Variants in KCNH7 observed in about 807,000 individuals in gnomAD.
KCNH7 encodes potassium voltage-gated channel subfamily H member 7, also known as voltage-gated inwardly rectifying potassium channel KCNH7.
In KCNH7, 49 loss-of-function variants were observed where a neutral mutation model predicts 120.8. The ratio of observed to expected loss-of-function variants is 0.41; its 90% CI spans 0.32 to 0.51. The LOEUF (loss-of-function observed/expected upper bound fraction) is 0.51. KCNH7 is among the 20% of genes least tolerant of loss of function. The pLI is 0.38. For synonymous variants in KCNH7, 547 were observed against 516.1 expected (o/e 1.06, Z -0.81); for missense variants, 1,097 against 1,446.6 (o/e 0.76, Z 3.92).
In KCNH7 at chr2:162,536,344, T is replaced by C. The variant is rs146671979; in HGVS notation, c.463+581A>G. ...CCTTTGTGCTTAAATATATGGACCT[T>C]ACTCATAGAATAAATATAAACTAAA... On this transcript the variant is annotated intron_variant, in intron 3 of 15. Coordinates refer to ENST00000332142, the MANE Select transcript of KCNH7 (RefSeq NM_033272.4). Among the ~76,000 whole-genome samples, 851 of 152,054 alleles carry C rather than the reference T, an allele frequency of 5.6e-3. 5 individuals carry two copies. Among genetic ancestry groups the C allele is most frequent in the African/African-American group, 0.017 (725 of 41,538 alleles).
chr2:162,698,723 T>C (rs1262252364), intron 2 of KCNH7, among the ~76,000 whole-genome samples: 1 of 152,116 alleles, frequency 6.6e-6, no homozygotes, highest in East Asian at 1.9e-4. Flanking sequence ...TTTCTTCATC[T>C]GTAAAATGGA....
At chr2:162,745,963 A>G (rs1270528082) in intron 2 of KCNH7, among the ~76,000 whole-genome samples, 1 of 151,980 alleles carries the variant, frequency 6.6e-6, no homozygotes, top group Non-Finnish European at 1.5e-5. Context: ...TAACATATTG[A>G]TACTGAAACT....
At chr2:162,429,175 T>C (rs1687973882) in intron 8 of KCNH7, among the ~76,000 whole-genome samples, 1 of 151,802 alleles carries the variant, frequency 6.6e-6, no homozygotes, top group Non-Finnish European at 1.5e-5. Flanking sequence ...TTGGTCAACA[T>C]CTGCTTTAAA....
intron 2 of KCNH7, among the ~76,000 whole-genome samples, chr2:162,732,131 ACTGG>A (rs1421753213): frequency 8.5e-5 from 13 of 152,160 alleles, no homozygotes; most frequent in Middle Eastern, 3.4e-3. Context: ...AGCAAGATGC[ACTGG>A]CAGTGGGCAA....
intron 2 of KCNH7, among the ~76,000 whole-genome samples, chr2:162,831,449 G>C (rs1390308266): frequency 6.6e-6 from 1 of 152,114 alleles, no homozygotes; most frequent in African/African-American, 2.4e-5. Context: ...AAGATTGAAA[G>C]GATTTGGTGA....
At chr2:162,425,601 A>G (rs142061164) in intron 8 of KCNH7, among the ~76,000 whole-genome samples, 1 of 152,282 alleles carries the variant, frequency 6.6e-6, no homozygotes, top group East Asian at 1.9e-4. Context: ...GTGTGATGCT[A>G]TGTTTCCAAA....
chr2:162,372,217 T>C, intron 15 of KCNH7, 122 bp from the exon 16 acceptor site: 1 of 774,456 alleles, frequency 1.3e-6, no homozygotes, highest in Non-Finnish European at 2.0e-6. Flanking sequence ...TTAGTGATAT[T>C]AGCCAACATT....
At position 162,645,025 on chromosome 2, in the gene KCNH7, T is replaced by G. The variant is rs531266076; in HGVS notation, c.308-107945A>C. The stretch of plus-strand genomic sequence containing the variant: ...CCTACTTATATTTAACTAGTGTTTC[T>G]CTGCAATAAGTACAACTTTTCTGCT... On this transcript the variant is annotated intron_variant, in intron 2 of 15. Transcript: ENST00000332142. 1.4e-4 allele frequency among the ~76,000 whole-genome samples: 21 copies of G among 152,338 alleles called. No individual in the cohort carries two copies. In the East Asian group the frequency reaches 3.7e-3, roughly 27 times the overall value.
intron 2 of KCNH7, among the ~76,000 whole-genome samples, chr2:162,549,577 T>C (rs923539759): frequency 1.3e-5 from 2 of 152,210 alleles, no homozygotes; most frequent in African/African-American, 4.8e-5. Flanking sequence ...GACTTTTTGA[T>C]GTCAGTGGAG....
chr2:162,771,061 T>C (rs1400121672), intron 2 of KCNH7, among the ~76,000 whole-genome samples: 1 of 152,170 alleles, frequency 6.6e-6, no homozygotes, highest in Non-Finnish European at 1.5e-5. Flanking sequence ...TTCATTCTCA[T>C]TCACCTCTGG....
chr2:162,707,651 A>G (rs547405657), intron 2 of KCNH7, among the ~76,000 whole-genome samples: 1 of 152,246 alleles, frequency 6.6e-6, no homozygotes, highest in Admixed American at 6.5e-5. Flanking sequence ...TCAAATAAGG[A>G]TGTAGGAAAT....
chr2:162,640,433 T>C (rs6717789), intron 2 of KCNH7, among the ~76,000 whole-genome samples: 19,312 of 151,846 alleles, frequency 0.13, 2,429 homozygotes, highest in African/African-American at 0.31. Flanking sequence ...GTTATAAAAA[T>C]GATTCAGTGG....
intron 2 of KCNH7, among the ~76,000 whole-genome samples, chr2:162,569,253 C>A (rs1693376180): frequency 6.6e-6 from 1 of 151,832 alleles, no homozygotes; most frequent in African/African-American, 2.4e-5. Flanking sequence ...CTGGTTTAGT[C>A]TTGGGAGAGT....
At chr2:162,390,265 C>T (rs1686705572) in intron 12 of KCNH7, among the ~76,000 whole-genome samples, 1 of 150,466 alleles carries the variant, frequency 6.6e-6, no homozygotes, top group African/African-American at 2.4e-5. Context: ...CACACACACA[C>T]ACACATATTT....
At chr2:162,812,488 A>G (rs528251152) in intron 2 of KCNH7, among the ~76,000 whole-genome samples, 1 of 152,190 alleles carries the variant, frequency 6.6e-6, no homozygotes, top group East Asian at 1.9e-4. Context: ...TTACCTAAGT[A>G]AAGGAGGAAG....
intron 10 of KCNH7, 39 bp downstream of exon 10, chr2:162,400,150 A>C: frequency 6.2e-7 from 1 of 1,603,086 alleles, no homozygotes; most frequent in African/African-American, 1.3e-5. Flanking sequence ...TTACAAGCTA[A>C]TAACTGAATC....
intron 2 of KCNH7, among the ~76,000 whole-genome samples, chr2:162,623,427 T>C (rs1170019916): frequency 6.6e-6 from 1 of 152,204 alleles, no homozygotes; most frequent in Non-Finnish European, 1.5e-5. Context: ...AGATTTATAT[T>C]ACACATTTTC....
At chr2:162,475,014 C>A (rs1288966953) in intron 6 of KCNH7, among the ~76,000 whole-genome samples, 1 of 152,206 alleles carries the variant, frequency 6.6e-6, no homozygotes, top group African/African-American at 2.4e-5. Flanking sequence ...GTGAGAACAC[C>A]TAGCTAAGCT....
At chr2:162,645,688 C>T (rs1268484805) in intron 2 of KCNH7, among the ~76,000 whole-genome samples, 1 of 152,112 alleles carries the variant, frequency 6.6e-6, no homozygotes, top group African/African-American at 2.4e-5. Context: ...GACTGACTTC[C>T]TTTGCAAAAG....
Sources: allele counts gnomAD v4.1 joint callset (sites outside exome capture counted in the v4.1 genomes callset), GRCh38; gene constraint gnomAD v4.1.1; transcripts MANE v1.5; gene names NCBI Gene and HGNC (gene_info 2026-07-23, HGNC 2026-07-21).